Variants in FHIT observed in about 807,000 individuals in gnomAD.
FHIT encodes bis(5'-adenosyl)-triphosphatase.
A neutral mutation model predicts 17.9 loss-of-function variants in FHIT; 19 were observed. The observed-to-expected ratio is 1.06, with a 90% CI of 0.74 to 1.56. The LOEUF (loss-of-function observed/expected upper bound fraction) is 1.56, where lower values mean the gene tolerates loss of function less well. FHIT is among the 40% of genes most tolerant of loss of function. The pLI, the probability that FHIT is intolerant of heterozygous loss-of-function variation, is 0.00. For synonymous variants in FHIT, 81 were observed against 69.7 expected (o/e 1.16, Z -0.81); for missense variants, 248 against 189.2 (o/e 1.31, Z -1.82).
intron 5 of FHIT, among the ~76,000 whole-genome samples, chr3:60,248,688 T>A (rs1705530215): frequency 2.0e-5 from 3 of 152,158 alleles, no homozygotes; most frequent in Admixed American, 2.0e-4. Flanking sequence ...CCTAAATGGT[T>A]AGTATTCAGG....
At position 60,135,982 on chromosome 3, in the gene FHIT, C is replaced by G. The variant is rs572453358; in HGVS notation, c.104-121830G>C. On this transcript the variant is annotated intron_variant, in intron 5 of 9. Transcript: ENST00000492590. ...GTATGTGTTTTTATAAAACGTCTCACCATCTGTAACAATATATGTATTTGA... is the reference window on the plus strand; with the variant it reads ...GTATGTGTTTTTATAAAACGTCTCAGCATCTGTAACAATATATGTATTTGA... Among the ~76,000 whole-genome samples, 4 of 152,216 alleles carry G rather than the reference C, an allele frequency of 2.6e-5. No homozygotes were observed. In the South Asian group the frequency reaches 8.3e-4, roughly 32 times the overall value.
intron 5 of FHIT, among the ~76,000 whole-genome samples, chr3:60,131,010 T>TACAC (rs1559661373): frequency 1.8e-5 from 2 of 109,732 alleles, no homozygotes; most frequent in African/African-American, 6.5e-5. Context: ...TACATATGTG[T>TACAC]ATATATACAC....
At chr3:59,973,600 G>C (rs920333797) in intron 7 of FHIT, among the ~76,000 whole-genome samples, 1 of 152,048 alleles carries the variant, frequency 6.6e-6, no homozygotes, top group Non-Finnish European at 1.5e-5. Flanking sequence ...ATAGCATAAA[G>C]ATGTAATTTT....
At chr3:60,639,335 C>T (rs1315483266) in intron 4 of FHIT, among the ~76,000 whole-genome samples, 2 of 151,946 alleles carry the variant, frequency 1.3e-5, no homozygotes, top group East Asian at 1.9e-4. Context: ...CGTAATTTCC[C>T]CTTGAGATAT....
rs556619924 is a variant in FHIT, at chr3:60,956,517, C to T, written c.-111+85530G>A. ...CATCGACATGACCAAATATTTGTAT[C>T]TCTTGTGATTTAAGTTTAAACCAAG... On this transcript the variant is annotated intron_variant, in intron 3 of 9. Coordinates refer to ENST00000492590, the MANE Select transcript of FHIT (RefSeq NM_002012.4). Among the ~76,000 whole-genome samples, 8 of 152,254 alleles carry T rather than the reference C, an allele frequency of 5.3e-5. No individual in the cohort carries two copies. In the South Asian group the frequency reaches 1.7e-3, roughly 32 times the overall value.
intron 3 of FHIT, among the ~76,000 whole-genome samples, chr3:61,040,698 T>C (rs2033465232): frequency 6.6e-6 from 1 of 152,218 alleles, no homozygotes; most frequent in Admixed American, 6.5e-5. Flanking sequence ...GTTGCTTCTA[T>C]TAAACATTTG....
At chr3:60,357,302 G>T (rs1374028996) in intron 5 of FHIT, among the ~76,000 whole-genome samples, 1 of 152,096 alleles carries the variant, frequency 6.6e-6, no homozygotes, top group Non-Finnish European at 1.5e-5. Flanking sequence ...CTGCCTTCCA[G>T]GTTCAAGCTC....
intron 5 of FHIT, among the ~76,000 whole-genome samples, chr3:60,314,268 T>C (rs1709072113): frequency 6.6e-6 from 1 of 152,110 alleles, no homozygotes; most frequent in South Asian, 2.1e-4. Context: ...AAAAAAATCA[T>C]GCTCTGACTA....
chr3:59,777,826 T>G (rs1702398810), intron 8 of FHIT, among the ~76,000 whole-genome samples: 1 of 152,164 alleles, frequency 6.6e-6, no homozygotes, highest in Non-Finnish European at 1.5e-5. Context: ...GAACATGCCA[T>G]GCTCATCCTG....
At chr3:60,054,046 A>T (rs1292778207) in intron 5 of FHIT, among the ~76,000 whole-genome samples, 1 of 152,208 alleles carries the variant, frequency 6.6e-6, no homozygotes, top group Non-Finnish European at 1.5e-5. Context: ...TGAGAGGAGA[A>T]CAAATTTAAT....
At chr3:60,224,999 G>C (rs1048401170) in intron 5 of FHIT, among the ~76,000 whole-genome samples, 1 of 152,110 alleles carries the variant, frequency 6.6e-6, no homozygotes, top group Non-Finnish European at 1.5e-5. Flanking sequence ...GGGATTACAG[G>C]AATGAGCCAC....
chr3:60,993,715 T>TA (rs1186846652), intron 3 of FHIT, among the ~76,000 whole-genome samples: 4 of 151,788 alleles, frequency 2.6e-5, no homozygotes, highest in Non-Finnish European at 4.4e-5. Context: ...GCTGCATCCA[T>TA]AAAAAAAAGG....
In FHIT at chr3:61,054,540, C is replaced by T. The variant is rs748506128; in HGVS notation, c.-163-12441G>A. On this transcript the variant is annotated intron_variant, in intron 2 of 9. Transcript: ENST00000492590. ...TAACATTTTAAACATAACAAGCTTT[C>T]GTTTTTGACCAACCAATGTTTTTGA... is the stretch of plus-strand genomic sequence containing the variant. Among the ~76,000 whole-genome samples, 77 of 152,112 alleles carry T rather than the reference C, an allele frequency of 5.1e-4. 1 individual carries two copies. Among genetic ancestry groups the T allele is most frequent in the Non-Finnish European group, 8.7e-4 (59 of 68,024 alleles).
intron 4 of FHIT, among the ~76,000 whole-genome samples, chr3:60,695,278 C>A (rs1476809589): frequency 5.3e-5 from 8 of 152,062 alleles, no homozygotes; most frequent in African/African-American, 1.9e-4. Flanking sequence ...TACCTGTAAT[C>A]TCAGCTACTT....
chr3:60,426,965 G>C (rs937208508), intron 5 of FHIT, among the ~76,000 whole-genome samples: 7 of 152,160 alleles, frequency 4.6e-5, no homozygotes, highest in Non-Finnish European at 8.8e-5. Context: ...TCTGTGACTA[G>C]GTTATGTTAT....
chr3:59,901,833 A>G (rs1704342821), intron 8 of FHIT, among the ~76,000 whole-genome samples: 1 of 152,222 alleles, frequency 6.6e-6, no homozygotes, highest in African/African-American at 2.4e-5. Context: ...TGTAATATTA[A>G]CAGCAGCATT....
At chr3:60,114,855 AG>A (rs1704882651) in intron 5 of FHIT, among the ~76,000 whole-genome samples, 1 of 152,124 alleles carries the variant, frequency 6.6e-6, no homozygotes, top group Non-Finnish European at 1.5e-5. Flanking sequence ...TACTGATTCA[AG>A]GGTATCCAGG....
intron 5 of FHIT, among the ~76,000 whole-genome samples, chr3:60,134,999 A>C (rs1315730732): frequency 3.3e-5 from 5 of 152,130 alleles, no homozygotes; most frequent in Admixed American, 2.0e-4. Context: ...AAAGGAGATG[A>C]AAAAGGATAG....
In FHIT at chr3:61,045,348, T is replaced by G. The variant is rs183473004; in HGVS notation, c.-163-3249A>C. Among the ~76,000 whole-genome samples the G allele has an allele frequency of 3.3e-5, 5 of 152,262 alleles. No homozygotes were observed. The East Asian group carries it at 9.7e-4, about 29-fold the overall frequency. ...AGGCAGGGCTTGCAATCCTAGTCTC[T>G]GATAAAACAGACTTTAAACCAACAA... On this transcript the variant is annotated intron_variant, in intron 2 of 9. Transcript: ENST00000492590.
Sources: allele counts gnomAD v4.1 joint callset (sites outside exome capture counted in the v4.1 genomes callset), GRCh38; gene constraint gnomAD v4.1.1; transcripts MANE v1.5; gene names NCBI Gene and HGNC (gene_info 2026-07-23, HGNC 2026-07-21).